The following UBXN1 variants were observed in gnomAD, a reference collection of about 807,000 sequenced individuals.
UBXN1 encodes UBX domain-containing protein 1.
In UBXN1, 21 loss-of-function variants were observed where a neutral mutation model predicts 42.0. The ratio of observed to expected loss-of-function variants is 0.50; its 90% CI spans 0.35 to 0.72. The LOEUF (loss-of-function observed/expected upper bound fraction) is 0.72. Among genes scored for constraint, UBXN1 ranks in the 30% least tolerant of loss-of-function variants. The pLI, the probability that UBXN1 is intolerant of heterozygous loss-of-function variation, is 0.00. For synonymous variants in UBXN1, 172 were observed against 142.6 expected, an observed-to-expected ratio of 1.21 and a Z score of -1.47; for missense variants, 374 against 382.2, an observed-to-expected ratio of 0.98 and a Z score of 0.18.
rs1945020884 is a variant in UBXN1, at chr11:62,676,525, G to A, written c.*65C>T. 3 of 1,522,132 alleles carry A rather than the reference G, an allele frequency of 2.0e-6. No individual in the cohort carries two copies. The highest frequency in any genetic ancestry group is 1.8e-6 in the Non-Finnish European group (2 of 1,130,814). 94.3% of individuals were successfully genotyped at this position (1,522,132 alleles called of 1,614,324 possible). A position where few individuals can be genotyped will look rare whatever the true frequency, so the allele number is the denominator to read the frequency against. On this transcript the variant is annotated 3_prime_UTR_variant, in exon 9 of 9. Coordinates refer to ENST00000301935, the MANE Select transcript of UBXN1 (RefSeq NM_001286077.2). ...TACAGAACTCAGGGTCTATTTATTAGGAAGGAGATGTCAGTGCTTTATCAA... is the reference window on the plus strand; with the variant it reads ...TACAGAACTCAGGGTCTATTTATTAAGAAGGAGATGTCAGTGCTTTATCAA...
rs1430047448 is a variant in UBXN1 at position 62,679,073 on chromosome 11, G to A, written c.-150C>T. The A allele has an allele frequency of 6.1e-6, 5 of 825,900 alleles. No homozygotes were observed. Among genetic ancestry groups the A allele is most frequent in the Admixed American group, 2.8e-5 (1 of 35,150 alleles). 51.2% of individuals were successfully genotyped at this position (825,900 alleles called of 1,614,324 possible). A position where few individuals can be genotyped will look rare whatever the true frequency, so the allele number is the denominator to read the frequency against. On this transcript the variant is annotated 5_prime_UTR_variant, in exon 1 of 9. Coordinates refer to ENST00000301935, the MANE Select transcript of UBXN1 (RefSeq NM_001286077.2). ...TAGCAGCCGGGAACACCGACGAGAA[G>A]AAAGCCGAGGGGAAGCGGAAGTGCC...
Position 62,678,750 on chromosome 11 carries a change from G to A in UBXN1, c.60-7C>T, listed in dbSNP as rs748149073. 5 of 1,613,266 alleles carry A rather than the reference G, an allele frequency of 3.1e-6. No homozygotes were observed. The South Asian group carries it at 3.3e-5, about 11-fold the overall frequency. On this transcript the variant is annotated splice_polypyrimidine_tract_variant and splice_region_variant and intron_variant, in intron 1 of 8. Coordinates refer to ENST00000301935, the MANE Select transcript of UBXN1 (RefSeq NM_001286077.2). ...GAGGGCCAGAGCCTTCTCCCTGGGG[G>A]CAGAAACACCATGAATAGCGCCCAC... is the stretch of plus-strand genomic sequence containing the variant.
In UBXN1 at chr11:62,678,518, G is replaced by A. The variant is rs199667995; in HGVS notation, c.197C>T (p.Ser66Phe). The change falls in exon 3 of 9, where the codon TCC becomes TTC. Residue 66 changes from serine to phenylalanine, a missense_variant. Coordinates refer to ENST00000301935, the MANE Select transcript of UBXN1 (RefSeq NM_001286077.2). ...LGHILGREPT[S>F]SEQGGLEGSG... ...ACCTTCAAGGCCGCCTTGCTCTGAG[G>A]AAGTGGGCTCCCGTCCCAGGATATG... The A allele has an allele frequency of 2.5e-5, 41 of 1,611,646 alleles. No individual in the cohort carries two copies. The highest frequency in any genetic ancestry group is 3.1e-5 in the Non-Finnish European group (36 of 1,178,700).
At position 62,678,954 on chromosome 11, in the gene UBXN1, T is replaced by C. The variant is rs1318155401; in HGVS notation, c.-31A>G. Reference sequence around the variant, plus strand: ...CGACACCGCGGCTTCCGCGGGGACCTGGTGTGTGACGAGAAGGAGGGCGGG... The same window carrying C: ...CGACACCGCGGCTTCCGCGGGGACCCGGTGTGTGACGAGAAGGAGGGCGGG... On this transcript the variant is annotated 5_prime_UTR_variant, in exon 1 of 9. Coordinates refer to ENST00000301935, the MANE Select transcript of UBXN1 (RefSeq NM_001286077.2). 3.9e-6 allele frequency: 6 copies of C among 1,557,766 alleles called. No homozygotes were observed. Among genetic ancestry groups the C allele is most frequent in the Non-Finnish European group, 5.2e-6 (6 of 1,155,314 alleles).
chr11:62,676,880 T>C lies in UBXN1; in HGVS notation c.777A>G (p.Gln259=), dbSNP rs748197028. The change falls in exon 8 of 9, where the codon CAA becomes CAG. Residue 259 remains glutamine, a synonymous_variant. Coordinates refer to ENST00000301935, the MANE Select transcript of UBXN1 (RefSeq NM_001286077.2). ...EELGGGQDPV[Q]LLSGFPRRAF... ...CCCGTCTGGGGAAGCCACTGAGCAATTGCACAGGGTCCTGGCCCCCACCTA... is the reference window on the plus strand; with the variant it reads ...CCCGTCTGGGGAAGCCACTGAGCAACTGCACAGGGTCCTGGCCCCCACCTA... 2.1e-5 allele frequency: 34 copies of C among 1,613,936 alleles called. 1 individual carries two copies. The Admixed American group carries it at 3.3e-4, about 16-fold the overall frequency.
At position 62,677,566 on chromosome 11, in the gene UBXN1, GGGA is replaced by G. The variant is rs767555330; in HGVS notation, c.600_602del (p.Pro201del). On this transcript the variant is annotated inframe_deletion, in exon 7 of 9. Coordinates refer to ENST00000301935, the MANE Select transcript of UBXN1 (RefSeq NM_001286077.2). ...CCCGCTTGGTGGGAGGCTCCTGGCTGGGAGAAGAGGGAACAGGACCTGGCTCTG... is the reference window on the plus strand; with the variant it reads ...CCCGCTTGGTGGGAGGCTCCTGGCTGGAAGAGGGAACAGGACCTGGCTCTG... The G allele has an allele frequency of 5.6e-6, 9 of 1,614,000 alleles. No homozygotes were observed. The highest frequency in any genetic ancestry group is 6.8e-6 in the Non-Finnish European group (8 of 1,180,010).
rs762986383 is a variant in UBXN1, at chr11:62,678,609, G to A, written c.114-8C>T. ...TCTTCGTGCTCCATCAGCCTGGCAG[G>A]GAAAGTGGGCGGGGAGGTTAGCTTT... On this transcript the variant is annotated splice_region_variant and splice_polypyrimidine_tract_variant and intron_variant, in intron 2 of 8. Transcript: ENST00000301935. 5.0e-6 allele frequency: 8 copies of A among 1,612,482 alleles called. No homozygotes were observed. The highest frequency in any genetic ancestry group is 1.1e-5 in the South Asian group (1 of 90,924).
Position 62,677,817 on chromosome 11 carries a change from T to G in UBXN1, c.498A>C (p.Glu166Asp). ...TCTCTGCTTTGTCCCTCTCGATCTT[T>G]TCTCTAACTCTTTGTCTGAAATGTA... ...EELAARQRVREKIERDKAERA... is the reference protein window; with the variant it reads ...EELAARQRVRDKIERDKAERA... The change falls in exon 6 of 9, where the codon GAA becomes GAC. Residue 166 changes from glutamate (E) to aspartate (D), a missense_variant. Physicochemically the swap from Glu to Asp is conservative, Grantham distance 45. Transcript: ENST00000301935. The G allele has an allele frequency of 6.2e-7, 1 of 1,614,216 alleles. No individual in the cohort carries two copies. Among genetic ancestry groups the G allele is most frequent in the Non-Finnish European group, 8.5e-7 (1 of 1,180,040 alleles).
Position 62,679,063 on chromosome 11 carries a change from C to A in UBXN1, c.-140G>T. 3 of 922,308 alleles carry A rather than the reference C, an allele frequency of 3.3e-6. No homozygotes were observed. Among genetic ancestry groups the A allele is most frequent in the Non-Finnish European group, 4.8e-6 (3 of 626,682 alleles). 57.1% of individuals were successfully genotyped at this position (922,308 alleles called of 1,614,324 possible). On this transcript the variant is annotated 5_prime_UTR_variant, in exon 1 of 9. Coordinates refer to ENST00000301935, the MANE Select transcript of UBXN1 (RefSeq NM_001286077.2). ...CCCGGCTCTATAGCAGCCGGGAACA[C>A]CGACGAGAAGAAAGCCGAGGGGAAG... is the stretch of plus-strand genomic sequence containing the variant.
rs762738256 is a variant in UBXN1 at position 62,677,843 on chromosome 11, G to A, written c.483-11C>T. The A allele has an allele frequency of 9.9e-6, 16 of 1,614,128 alleles. No individual in the cohort carries two copies. Among genetic ancestry groups the A allele is most frequent in the East Asian group, 2.2e-5 (1 of 44,888 alleles). On this transcript the variant is annotated splice_polypyrimidine_tract_variant and intron_variant, in intron 5 of 8. Coordinates refer to ENST00000301935, the MANE Select transcript of UBXN1 (RefSeq NM_001286077.2). ...TCTCTAACTCTTTGTCTGAAATGTA[G>A]ACAAGAAGAAATTAGGTCAGACATC...
chr11:62,678,306 A>C, intron 4 of UBXN1, 33 bp downstream of exon 4: 1 of 1,613,606 alleles, frequency 6.2e-7, no homozygotes, highest in East Asian at 2.2e-5. Context: ...ATGGAAGACG[A>C]CCCTCAGACA....
chr11:62,679,022 G>GGC lies in UBXN1; in HGVS notation c.-101_-100dup. On this transcript the variant is annotated 5_prime_UTR_variant, in exon 1 of 9. Coordinates refer to ENST00000301935, the MANE Select transcript of UBXN1 (RefSeq NM_001286077.2). Reference sequence around the variant, plus strand: ...AACCCGCCCTCGACACCCGCCGACGGGCGCTCGCTCTCTCACCCGGCTCTA... The same window carrying GGC: ...AACCCGCCCTCGACACCCGCCGACGGGCGCGCTCGCTCTCTCACCCGGCTCTA... 7.3e-7 allele frequency: 1 copy of GGC among 1,360,810 alleles called. No homozygotes were observed. The highest frequency in any genetic ancestry group is 9.9e-7 in the Non-Finnish European group (1 of 1,005,748). 84.3% of individuals were successfully genotyped at this position (1,360,810 alleles called of 1,614,324 possible).
intron 4 of UBXN1, 78 bp downstream of exon 4, chr11:62,678,261 T>G (rs1177147964): frequency 1.2e-6 from 2 of 1,610,052 alleles, no homozygotes; most frequent in African/African-American, 2.7e-5. Flanking sequence ...TGTGGAAAGG[T>G]CAAGGTTCTT....
chr11:62,676,884 A>G lies in UBXN1; in HGVS notation c.773T>C (p.Val258Ala). Residue 258 changes from valine to alanine, a missense_variant, in exon 8 of 9, where the codon GTG becomes GCG. Coordinates refer to ENST00000301935, the MANE Select transcript of UBXN1 (RefSeq NM_001286077.2). ...TCTGGGGAAGCCACTGAGCAATTGC[A>G]CAGGGTCCTGGCCCCCACCTAGTTC... is the stretch of plus-strand genomic sequence containing the variant. ...GEELGGGQDP[V>A]QLLSGFPRRA... is the part of the protein sequence containing the mutation. 6.2e-7 allele frequency: 1 copy of G among 1,614,052 alleles called. No individual in the cohort carries two copies. Among genetic ancestry groups the G allele is most frequent in the Non-Finnish European group, 8.5e-7 (1 of 1,180,032 alleles).
At position 62,677,199 on chromosome 11, in the gene UBXN1, A is replaced by G. The variant is rs1257580478; in HGVS notation, c.652-194T>C. 5 of 648,490 alleles carry G rather than the reference A, an allele frequency of 7.7e-6. No individual in the cohort carries two copies. In the East Asian group the frequency reaches 1.4e-4, roughly 18 times the overall value. 40.2% of individuals were successfully genotyped at this position (648,490 alleles called of 1,614,324 possible). On this transcript the variant is annotated intron_variant, in intron 7 of 8. Coordinates refer to ENST00000301935, the MANE Select transcript of UBXN1 (RefSeq NM_001286077.2). ...ATGAGAGACTCCCAGCTCCCTCACAACCTAAGAAAGACAAGGATAAGATTA... is the reference window on the plus strand; with the variant it reads ...ATGAGAGACTCCCAGCTCCCTCACAGCCTAAGAAAGACAAGGATAAGATTA...
At position 62,679,046 on chromosome 11, in the gene UBXN1, T is replaced by C. The variant is rs1029370253; in HGVS notation, c.-123A>G. ...GGGCGCTCGCTCTCTCACCCGGCTCTATAGCAGCCGGGAACACCGACGAGA... is the reference window on the plus strand; with the variant it reads ...GGGCGCTCGCTCTCTCACCCGGCTCCATAGCAGCCGGGAACACCGACGAGA... On this transcript the variant is annotated 5_prime_UTR_variant, in exon 1 of 9. It adds an upstream start codon to the 5' untranslated region. Transcript: ENST00000301935. The C allele has an allele frequency of 9.3e-7, 1 of 1,078,392 alleles. No individual in the cohort carries two copies. Among genetic ancestry groups the C allele is most frequent in the Non-Finnish European group, 1.3e-6 (1 of 762,780 alleles). The allele number at this position is 1,078,392 out of a possible 1,614,324, so 66.8% of individuals were successfully genotyped here.
At position 62,678,876 on chromosome 11, in the gene UBXN1, G is replaced by A; in HGVS notation, c.48C>T (p.Pro16=). ...GGGAACTCCCTTACGCGCGTCCCCT[G>A]GGGAAGCCCATCTCGATGAGACTCT... ...ALESLIEMGF[P]RGRAEKALAL... The change falls in exon 1 of 9, where the codon CCC becomes CCT. Residue 16 remains proline, a synonymous_variant. Transcript: ENST00000301935. The A allele has an allele frequency of 1.9e-6, 3 of 1,604,420 alleles. No homozygotes were observed. Among genetic ancestry groups the A allele is most frequent in the Non-Finnish European group, 2.5e-6 (3 of 1,177,428 alleles).
rs757045503 is a variant in UBXN1, at chr11:62,678,216, G to A, written c.291-98C>T. On this transcript the variant is annotated intron_variant, in intron 4 of 8. Coordinates refer to ENST00000301935, the MANE Select transcript of UBXN1 (RefSeq NM_001286077.2). ...ATTAGGCGACATATATCCCAAAGTA[G>A]ATTAAAGGAAAAGAAAATGCCAAGA... 2.0e-5 allele frequency: 32 copies of A among 1,604,410 alleles called. No homozygotes were observed. The Admixed American group carries it at 5.3e-4, about 27-fold the overall frequency.
chr11:62,676,766 C>CCTA (rs777323040), intron 8 of UBXN1, 47 bp downstream of exon 8: 9 of 1,614,080 alleles, frequency 5.6e-6, no homozygotes, highest in Non-Finnish European at 7.6e-6. Context: ...GGCATGCCTC[C>CCTA]CTACTCCCCC....
Sources: gnomAD v4.1 joint callset for allele counts on GRCh38, gnomAD v4.1.1 for gene constraint, MANE v1.5 for transcripts, NCBI Gene and HGNC (gene_info 2026-07-23, HGNC 2026-07-21) for gene names.